Variants in ARHGAP39 observed in about 807,000 individuals in gnomAD.
ARHGAP39 encodes the protein rho GTPase-activating protein 39.
ARHGAP39 carries 44 observed loss-of-function variants against 106.9 expected under a neutral mutation model. The observed-to-expected ratio is 0.41, with a 90% CI of 0.32 to 0.53. The LOEUF (loss-of-function observed/expected upper bound fraction) is 0.53, where lower values mean the gene tolerates loss of function less well. Among genes scored for constraint, ARHGAP39 ranks in the 20% least tolerant of loss-of-function variants. ARHGAP39 has a pLI of 0.21. For synonymous variants in ARHGAP39, 768 were observed against 693.2 expected (o/e 1.11, Z -1.69); for missense variants, 1,496 against 1,577.3 (o/e 0.95, Z 0.87).
At chr8:144,531,065 C>G (rs873882) in intron 10 of ARHGAP39, among the ~76,000 whole-genome samples, 194 bp from the exon 11 acceptor site, 3,877 of 151,470 alleles carry the variant, frequency 0.026, 233 homozygotes, top group African/African-American at 0.087. Flanking sequence ...GGCCTGAACT[C>G]GATCCTGGAG....
intron 1 of ARHGAP39, among the ~76,000 whole-genome samples, chr8:144,648,183 G>C (rs1440410966): frequency 2.0e-5 from 3 of 152,126 alleles, no homozygotes; most frequent in Middle Eastern, 3.4e-3. Flanking sequence ...GCTCCTCCAG[G>C]GCCCCAGCTG....
At chr8:144,649,459 T>C (rs1821524333) in intron 1 of ARHGAP39, among the ~76,000 whole-genome samples, 1 of 147,370 alleles carries the variant, frequency 6.8e-6, no homozygotes, top group African/African-American at 2.5e-5. Flanking sequence ...CAAAAAATAA[T>C]AATAATAAAT....
chr8:144,696,453 T>G, the ARHGAP39 span, among the ~76,000 whole-genome samples: 53 of 152,188 alleles, frequency 3.5e-4, no homozygotes, highest in Non-Finnish European at 4.3e-4. Context: ...CCAGTTAAAA[T>G]TTGTCTATCA....
chr8:144,673,242 A>C (rs1207228399), intron 1 of ARHGAP39, among the ~76,000 whole-genome samples: 1 of 150,908 alleles, frequency 6.6e-6, no homozygotes, highest in Non-Finnish European at 1.5e-5. Flanking sequence ...AAGAAAGAAA[A>C]GAAACTGATC....
chr8:144,583,136 A>G (rs1285654696), intron 2 of ARHGAP39, among the ~76,000 whole-genome samples: 1 of 152,076 alleles, frequency 6.6e-6, no homozygotes, highest in Non-Finnish European at 1.5e-5. Context: ...CCAGGCACCA[A>G]TAGCTGCCCA....
At chr8:144,543,040 A>AGGG (rs1180515132) in intron 6 of ARHGAP39, among the ~76,000 whole-genome samples, 2 of 151,292 alleles carry the variant, frequency 1.3e-5, no homozygotes, top group South Asian at 2.1e-4. Flanking sequence ...TACGATCATG[A>AGGG]CTCACTGCAG....
At chr8:144,588,319 T>C (rs544341170) in intron 2 of ARHGAP39, among the ~76,000 whole-genome samples, 19 of 152,366 alleles carry the variant, frequency 1.2e-4, no homozygotes, top group African/African-American at 4.3e-4. Context: ...TTGAGGCTCA[T>C]GGAGGCACAA....
rs757559087 is a variant in ARHGAP39 at position 144,547,997 on chromosome 8, G to C, written c.1089C>G (p.Gly363=). 9.9e-6 allele frequency: 16 copies of C among 1,610,140 alleles called. No individual in the cohort carries two copies. Among genetic ancestry groups the C allele is most frequent in the Admixed American group, 3.3e-5 (2 of 59,810 alleles). ...CCAGCTGCTGGCAGGGCGAGGGGGG[G>C]CCCTGCTTGTTGGGCTGGAGGAACG... ...PRPFLQPNKQ[G]PPSPCQQLVL... is the part of the protein sequence containing the mutation. The change falls in exon 5 of 12, where the codon GGC becomes GGG. Residue 363 remains glycine (G), a synonymous_variant. Transcript: ENST00000377307. The surrounding 1 kb of genome is among the most constrained non-coding windows in gnomAD (Gnocchi z 5.2).
At chr8:144,607,974 C>T (rs1187500017) in intron 1 of ARHGAP39, among the ~76,000 whole-genome samples, 2 of 151,870 alleles carry the variant, frequency 1.3e-5, no homozygotes, top group Non-Finnish European at 2.9e-5. Context: ...CTAGCCAACA[C>T]AGCGAAACCC....
rs1822089163 is a variant in ARHGAP39, at chr8:144,671,045, GGCC to G, written c.-82+14638_-82+14640del. 1.3e-5 allele frequency among the ~76,000 whole-genome samples: 2 copies of G among 152,280 alleles called. No individual in the cohort carries two copies. Among genetic ancestry groups the G allele is most frequent in the Middle Eastern group, 3.4e-3 (1 of 294 alleles). On this transcript the variant is annotated intron_variant, in intron 1 of 11. Coordinates refer to ENST00000377307, the MANE Select transcript of ARHGAP39 (RefSeq NM_025251.3). This position sits in a 1 kb window ranked among gnomAD's most constrained non-coding sequence, Gnocchi z 4.5. ...GACACACAGTGCTGCCAAGCCTCAG[GGCC>G]GCCAAGCTTCTCCCGAAACCCAACC... is the stretch of plus-strand genomic sequence containing the variant.
In ARHGAP39 at chr8:144,530,769, A is replaced by G. The variant is rs1816661217; in HGVS notation, c.3083T>C (p.Val1028Ala). The G allele has an allele frequency of 3.7e-6, 6 of 1,611,138 alleles. No homozygotes were observed. The highest frequency in any genetic ancestry group is 5.1e-6 in the Non-Finnish European group (6 of 1,179,310). Residue 1028 changes from valine (V) to alanine (A), a missense_variant, in exon 11 of 12, where the codon GTG (valine) becomes GCG (alanine). Val to Ala is a moderately conservative substitution (Grantham distance 64). Coordinates refer to ENST00000377307, the MANE Select transcript of ARHGAP39 (RefSeq NM_025251.3). ...GCGGGGCAGCGCGTGCACCACGGCCACCGCCGCCTCGGGGCTGTCGTAGTG... is the reference window on the plus strand; with the variant it reads ...GCGGGGCAGCGCGTGCACCACGGCCGCCGCCGCCTCGGGGCTGTCGTAGTG... ...IAHYDSPEAA[V>A]AVVHALPRIN... is the part of the protein sequence containing the mutation.
intron 1 of ARHGAP39, among the ~76,000 whole-genome samples, chr8:144,619,061 C>T (rs374049388): frequency 2.0e-5 from 3 of 152,162 alleles, no homozygotes; most frequent in Admixed American, 6.5e-5. Flanking sequence ...AGGACAGGCC[C>T]AGAGAGCAGG....
chr8:144,639,325 CAAA>C (rs1320599462), intron 1 of ARHGAP39, among the ~76,000 whole-genome samples: 12 of 64,910 alleles, frequency 1.8e-4, no homozygotes, highest in Non-Finnish European at 1.9e-4. Context: ...GATGCTGTCT[CAAA>C]AAAAAAAAAA....
chr8:144,678,270 TAA>T (rs1186486280), intron 1 of ARHGAP39, among the ~76,000 whole-genome samples: 8 of 137,396 alleles, frequency 5.8e-5, no homozygotes, highest in Admixed American at 7.3e-5. Context: ...ACTCTCTCTC[TAA>T]AAAAAAAAAA....
intron 1 of ARHGAP39, among the ~76,000 whole-genome samples, chr8:144,610,572 C>T (rs546984664): frequency 2.6e-5 from 4 of 152,038 alleles, no homozygotes; most frequent in African/African-American, 7.2e-5. Context: ...GTTAGCCAGG[C>T]GTGGTGGCGG....
intron 1 of ARHGAP39, among the ~76,000 whole-genome samples, chr8:144,672,386 GA>G (rs1822121938): frequency 6.6e-6 from 1 of 152,208 alleles, no homozygotes; most frequent in Admixed American, 6.5e-5. Context: ...ACCCATGAAG[GA>G]AGCATCAGCC....
At chr8:144,571,383 A>G (rs777840820) in intron 3 of ARHGAP39, among the ~76,000 whole-genome samples, 3 of 152,298 alleles carry the variant, frequency 2.0e-5, no homozygotes, top group Admixed American at 6.5e-5. Context: ...ACAAAACCTA[A>G]AAACCACGAT....
intron 3 of ARHGAP39, among the ~76,000 whole-genome samples, chr8:144,556,887 C>T (rs1471838131): frequency 4.8e-5 from 5 of 104,990 alleles, no homozygotes; most frequent in Non-Finnish European, 8.8e-5. Flanking sequence ...AAAGGCTGAA[C>T]CTTCATAGTA....
intron 7 of ARHGAP39, 81 bp downstream of exon 7, chr8:144,537,640 A>G: frequency 5.6e-6 from 6 of 1,076,192 alleles, no homozygotes; most frequent in Non-Finnish European, 5.5e-6. Context: ...AAGCGGTTAG[A>G]GAAGAGAAGG....
Sources: gnomAD v4.1 joint callset for allele counts (sites outside exome capture counted in the v4.1 genomes callset) on GRCh38, gnomAD v4.1.1 for gene constraint, Gnocchi (gnomAD v3.1) non-coding constraint, MANE v1.5 for transcripts, NCBI Gene and HGNC (gene_info 2026-07-23, HGNC 2026-07-21) for gene names.